The following MIGA2 variants were observed in gnomAD, a reference collection of about 807,000 sequenced individuals.
MIGA2 encodes the protein family with sequence similarity 73, member B.
In MIGA2, 36 loss-of-function variants were observed where a neutral mutation model predicts 69.9. The ratio of observed to expected loss-of-function variants is 0.52; its 90% CI spans 0.39 to 0.68. MIGA2 has a LOEUF of 0.68. MIGA2 is among the 30% of genes least tolerant of loss of function. The pLI is 0.00. For synonymous variants in MIGA2, 333 were observed against 349.2 expected, an observed-to-expected ratio of 0.95 and a Z score of 0.52; for missense variants, 660 against 787.7, an observed-to-expected ratio of 0.84 and a Z score of 1.94.
intron 12 of MIGA2, 69 bp downstream of exon 12, chr9:129,067,940 T>G: frequency 6.6e-7 from 1 of 1,516,242 alleles, no homozygotes; most frequent in Non-Finnish European, 9.0e-7. Flanking sequence ...GGGGTTCTTG[T>G]GCCGAGCTCT....
intron 6 of MIGA2, among the ~76,000 whole-genome samples, chr9:129,053,624 C>T (rs998320171): frequency 3.9e-5 from 6 of 152,154 alleles, no homozygotes; most frequent in Admixed American, 1.3e-4. Context: ...GCCTCGGCCT[C>T]GCAACGTGCT....
chr9:129,061,932 G>C lies in MIGA2; in HGVS notation c.1010+586G>C, dbSNP rs982522618. Among the ~76,000 whole-genome samples, 3 of 150,500 alleles carry C rather than the reference G, an allele frequency of 2.0e-5. No individual in the cohort carries two copies. The highest frequency in any genetic ancestry group is 4.4e-5 in the Non-Finnish European group (3 of 67,682). On this transcript the variant is annotated intron_variant, in intron 9 of 15. Coordinates refer to ENST00000684074, the MANE Select transcript of MIGA2 (RefSeq NM_001329990.2). This position sits in a 1 kb window ranked among gnomAD's most constrained non-coding sequence, Gnocchi z 5.0. ...CCTCAGTTTCTTTGTCTGTGGTTAT[G>C]TTTAGGCCTCTTCACTATCTTATAT...
At chr9:129,056,579 C>T (rs1264060790) in intron 6 of MIGA2, among the ~76,000 whole-genome samples, 1 of 151,070 alleles carries the variant, frequency 6.6e-6, no homozygotes, top group East Asian at 2.0e-4. Context: ...AGTGCAGTGG[C>T]ACAATCTCGG....
chr9:129,065,032 C>T (rs1429802945), intron 11 of MIGA2, among the ~76,000 whole-genome samples: 1 of 152,036 alleles, frequency 6.6e-6, no homozygotes, highest in Non-Finnish European at 1.5e-5. Context: ...ATCCGCCCTC[C>T]TTGGCCTCCC....
chr9:129,046,235 T>C (rs1845214511), intron 3 of MIGA2, among the ~76,000 whole-genome samples: 1 of 152,172 alleles, frequency 6.6e-6, no homozygotes, highest in African/African-American at 2.4e-5. Context: ...GTGTCTGTCC[T>C]GGGAAACCTG....
At chr9:129,052,900 T>C (rs1845621390) in intron 6 of MIGA2, among the ~76,000 whole-genome samples, 1 of 152,040 alleles carries the variant, frequency 6.6e-6, no homozygotes, top group Non-Finnish European at 1.5e-5. Flanking sequence ...TGTCTGCGAG[T>C]CGGCAGGGAA....
At chr9:129,058,468 TA>T (rs2131374769) in intron 6 of MIGA2, among the ~76,000 whole-genome samples, 1 of 151,418 alleles carries the variant, frequency 6.6e-6, no homozygotes, top group South Asian at 2.1e-4. Flanking sequence ...GTGAGTCAGT[TA>T]CCATAAGTCC....
intron 1 of MIGA2, among the ~76,000 whole-genome samples, chr9:129,037,730 T>C (rs1006327460): frequency 2.0e-5 from 3 of 152,154 alleles, no homozygotes; most frequent in Non-Finnish European, 1.5e-5. Context: ...GGCTCATCTT[T>C]AACACCATGT....
intron 11 of MIGA2, among the ~76,000 whole-genome samples, chr9:129,066,258 G>A (rs769930478): frequency 3.9e-4 from 60 of 152,220 alleles, no homozygotes; most frequent in Non-Finnish European, 7.5e-4. Context: ...TTGACTTGGT[G>A]TCTGTGGGCC....
In MIGA2 at chr9:129,059,312, G is replaced by C; in HGVS notation, c.793+41G>C. On this transcript the variant is annotated intron_variant, in intron 7 of 15. Coordinates refer to ENST00000684074, the MANE Select transcript of MIGA2 (RefSeq NM_001329990.2). This position sits in a 1 kb window ranked among gnomAD's most constrained non-coding sequence, Gnocchi z 5.6. ...TGCAGGTGGGGTGGGCGTGGAGGGT[G>C]GCAGGGATGGAGGTGAGGAGAAGTT... 1 of 1,475,338 alleles carries C rather than the reference G, an allele frequency of 6.8e-7. No individual in the cohort carries two copies. Among genetic ancestry groups the C allele is most frequent in the Non-Finnish European group, 9.3e-7 (1 of 1,079,384 alleles). 91.4% of individuals were successfully genotyped at this position (1,475,338 alleles called of 1,614,324 possible).
Position 129,068,276 on chromosome 9 carries a change from G to T in MIGA2, c.1348G>T (p.Ala450Ser). Residue 450 changes from alanine (A) to serine (S), a missense_variant, in exon 13 of 16, where the codon GCC becomes TCC. Transcript: ENST00000684074. The surrounding 1 kb of genome is among the most constrained non-coding windows in gnomAD (Gnocchi z 4.1). ...DAFEDLENPP[A>S]SVLAVLRNRW... Reference sequence around the variant, plus strand: ...CTTCGAGGACCTGGAGAACCCTCCGGCCTCGGTGCTCGCCGTCCTGCGGAA... The same window carrying T: ...CTTCGAGGACCTGGAGAACCCTCCGTCCTCGGTGCTCGCCGTCCTGCGGAA... The T allele has an allele frequency of 6.2e-7, 1 of 1,612,778 alleles. No homozygotes were observed.
At chr9:129,045,042 A>T (rs1416048742) in intron 3 of MIGA2, among the ~76,000 whole-genome samples, 2 of 151,750 alleles carry the variant, frequency 1.3e-5, no homozygotes, top group Non-Finnish European at 2.9e-5. Flanking sequence ...TACTAAAAAT[A>T]CAAAAATTAG....
intron 10 of MIGA2, 79 bp from the exon 11 acceptor site, chr9:129,063,466 C>G (rs1475410610): frequency 1.9e-6 from 3 of 1,575,738 alleles, no homozygotes; most frequent in Non-Finnish European, 2.6e-6. Flanking sequence ...CCTACCTGGC[C>G]TCTTATGTGG....
intron 3 of MIGA2, 54 bp from the exon 4 acceptor site, chr9:129,048,373 G>A (rs1054612264): frequency 1.4e-5 from 20 of 1,424,214 alleles, no homozygotes; most frequent in Middle Eastern, 1.8e-4. Flanking sequence ...GGGGCAGCCC[G>A]TGTAAAGGCC....
At position 129,061,174 on chromosome 9, in the gene MIGA2, C is replaced by T; in HGVS notation, c.895-57C>T. The T allele has an allele frequency of 1.4e-6, 2 of 1,473,990 alleles. No individual in the cohort carries two copies. Among genetic ancestry groups the T allele is most frequent in the Admixed American group, 3.8e-5 (2 of 53,268 alleles). The allele number at this position is 1,473,990 out of a possible 1,614,324, so 91.3% of individuals were successfully genotyped here. A position where few individuals can be genotyped will look rare whatever the true frequency, so the allele number is the denominator to read the frequency against. On this transcript the variant is annotated intron_variant, in intron 8 of 15. Coordinates refer to ENST00000684074, the MANE Select transcript of MIGA2 (RefSeq NM_001329990.2). The surrounding 1 kb of genome is among the most constrained non-coding windows in gnomAD (Gnocchi z 5.0). Reference sequence around the variant, plus strand: ...CGACCAATGGGCAGGTGCCCTTGCGCCGTGGCGTGCTGCTCACATGGGCTT... The same window carrying T: ...CGACCAATGGGCAGGTGCCCTTGCGTCGTGGCGTGCTGCTCACATGGGCTT...
At position 129,047,664 on chromosome 9, in the gene MIGA2, C is replaced by T. The variant is rs986651283; in HGVS notation, c.308-763C>T. On this transcript the variant is annotated intron_variant, in intron 3 of 15. Coordinates refer to ENST00000684074, the MANE Select transcript of MIGA2 (RefSeq NM_001329990.2). Reference sequence around the variant, plus strand: ...CTGACCTCAAGTGATCCACCCACCTCGGCCTCCCAAAGTGCTAGGATTACA... The same window carrying T: ...CTGACCTCAAGTGATCCACCCACCTTGGCCTCCCAAAGTGCTAGGATTACA... 8.6e-5 allele frequency among the ~76,000 whole-genome samples: 13 copies of T among 151,986 alleles called. No individual in the cohort carries two copies. In the South Asian group the frequency reaches 1.2e-3, roughly 15 times the overall value.
Position 129,049,436 on chromosome 9 carries a change from C to T in MIGA2, c.476C>T (p.Ala159Val), listed in dbSNP as rs149939507. Residue 159 changes from alanine (A) to valine (V), a missense_variant, in exon 5 of 16, where the codon GCC becomes GTC. Physicochemically the swap from Ala to Val is moderately conservative, Grantham distance 64. Transcript: ENST00000684074. Reference protein sequence around the residue: ...PTAACSGLWDARGMEESLTTS... With the variant: ...PTAACSGLWDVRGMEESLTTS... ...GCCGCGTGCTCGGGACTATGGGATG[C>T]CAGAGGGATGGAGGAGTCTCTGACC... The T allele has an allele frequency of 4.2e-5, 68 of 1,613,454 alleles. No individual in the cohort carries two copies. The African/African-American group carries it at 8.5e-4, about 20-fold the overall frequency.
chr9:129,038,037 G>C (rs539319614), intron 1 of MIGA2, among the ~76,000 whole-genome samples: 2 of 152,312 alleles, frequency 1.3e-5, no homozygotes, highest in African/African-American at 4.8e-5. Flanking sequence ...AGTAGCTGCT[G>C]GCCCTCTGAT....
Position 129,042,373 on chromosome 9 carries a change from G to GTGGCCC in MIGA2, c.177_182dup (p.Leu60_Ala61dup), listed in dbSNP as rs1304023677. On this transcript the variant is annotated inframe_insertion, in exon 3 of 16. Coordinates refer to ENST00000684074, the MANE Select transcript of MIGA2 (RefSeq NM_001329990.2). Reference sequence around the variant, plus strand: ...CCTCTTTGCCACGGCCCTGGGGACTGTGGCCCTGGCCCTGGCTGCCCACCA... The same window carrying GTGGCCC: ...CCTCTTTGCCACGGCCCTGGGGACTGTGGCCCTGGCCCTGGCCCTGGCTGCCCACCA... 1 of 1,613,568 alleles carries GTGGCCC rather than the reference G, an allele frequency of 6.2e-7. No homozygotes were observed. The highest frequency in any genetic ancestry group is 8.5e-7 in the Non-Finnish European group (1 of 1,180,054).
Sources: gnomAD v4.1 joint callset for allele counts (sites outside exome capture counted in the v4.1 genomes callset) on GRCh38, gnomAD v4.1.1 for gene constraint, Gnocchi (gnomAD v3.1) non-coding constraint, MANE v1.5 for transcripts, NCBI Gene and HGNC (gene_info 2026-07-23, HGNC 2026-07-21) for gene names.